Variants in RBFOX1 observed in about 807,000 individuals in gnomAD.
RBFOX1 encodes RNA binding protein fox-1 homolog 1.
In RBFOX1, 8 loss-of-function variants were observed where a neutral mutation model predicts 57.7. The ratio of observed to expected loss-of-function variants is 0.14; its 90% CI spans 0.08 to 0.25. The LOEUF is 0.25. Among genes scored for constraint, RBFOX1 ranks in the 10% least tolerant of loss-of-function variants. The pLI is 1.00. For missense variants in RBFOX1, 611 were observed against 548.5 expected (o/e 1.11, Z -1.14); for synonymous variants, 326 against 222.4 (o/e 1.47, Z -4.15).
intron 4 of RBFOX1, among the ~76,000 whole-genome samples, chr16:7,248,427 T>A (rs534028135): frequency 1.3e-5 from 2 of 152,190 alleles, no homozygotes; most frequent in Non-Finnish European, 1.5e-5. Flanking sequence ...TCCCTTCATA[T>A]CTTTCCAGTC....
chr16:7,382,813 C>G (rs941729364), intron 4 of RBFOX1, among the ~76,000 whole-genome samples: 8 of 152,196 alleles, frequency 5.3e-5, no homozygotes, highest in Admixed American at 3.9e-4. Context: ...GGAATAATGC[C>G]TAAGTACCAC....
intron 4 of RBFOX1, among the ~76,000 whole-genome samples, chr16:7,372,442 AT>A (rs2097584936): frequency 6.6e-6 from 1 of 152,072 alleles, no homozygotes; most frequent in African/African-American, 2.4e-5. Context: ...TCTTTTATTT[AT>A]TTGTGCTGAC....
At chr16:5,707,893 T>G (rs1461123984) in intron 3 of RBFOX1, among the ~76,000 whole-genome samples, 6 of 152,218 alleles carry the variant, frequency 3.9e-5, no homozygotes, top group Non-Finnish European at 2.9e-5. Flanking sequence ...TTTCCAGCTC[T>G]GTACTTAATA....
chr16:5,457,463 T>C (rs1329048269), intron 1 of RBFOX1, among the ~76,000 whole-genome samples: 1 of 152,152 alleles, frequency 6.6e-6, no homozygotes, highest in Non-Finnish European at 1.5e-5. Context: ...AGAGCACTAA[T>C]CCCATTCATT....
intron 1 of RBFOX1, among the ~76,000 whole-genome samples, chr16:6,202,646 G>A (rs367588046): frequency 1.4e-4 from 21 of 152,124 alleles, no homozygotes; most frequent in East Asian, 3.9e-4. Context: ...GATGTTTAAC[G>A]TATACAGCTT....
chr16:6,422,600 C>T (rs1029355236), intron 2 of RBFOX1, among the ~76,000 whole-genome samples: 4 of 152,134 alleles, frequency 2.6e-5, no homozygotes, highest in African/African-American at 4.8e-5. Flanking sequence ...AGGAAGCTTC[C>T]AATCATGGCA....
intron 4 of RBFOX1, among the ~76,000 whole-genome samples, chr16:5,968,362 A>C (rs2059893157): frequency 6.6e-6 from 1 of 152,160 alleles, no homozygotes; most frequent in South Asian, 2.1e-4. Context: ...GGTGTGAGCC[A>C]CTGCCCTGGC....
intron 4 of RBFOX1, among the ~76,000 whole-genome samples, chr16:7,187,137 C>G (rs902980969): frequency 6.6e-6 from 1 of 151,622 alleles, no homozygotes; most frequent in Admixed American, 6.6e-5. Flanking sequence ...CCACTGCACT[C>G]CAGCTTGGGC....
chr16:7,362,209 G>C (rs1212487595), intron 4 of RBFOX1, among the ~76,000 whole-genome samples: 2 of 150,308 alleles, frequency 1.3e-5, no homozygotes, highest in African/African-American at 4.9e-5. Context: ...GATTGTGTTT[G>C]TTTTTTATGT....
At chr16:7,209,685 G>A (rs2090731094) in intron 4 of RBFOX1, among the ~76,000 whole-genome samples, 1 of 152,162 alleles carries the variant, frequency 6.6e-6, no homozygotes, top group African/African-American at 2.4e-5. Flanking sequence ...ATCCGTATTT[G>A]GTTTGCTGGT....
At chr16:6,650,476 G>A (rs943337696) in intron 2 of RBFOX1, among the ~76,000 whole-genome samples, 14 of 152,104 alleles carry the variant, frequency 9.2e-5, no homozygotes, top group Non-Finnish European at 1.5e-5. Flanking sequence ...GATTCAGTAT[G>A]AGTTACCTAA....
At position 5,528,444 on chromosome 16, in the gene RBFOX1, G is replaced by A. The variant is rs191123228; in HGVS notation, c.258+61190G>A. ...CACCGGGGCCACATCTGAGCACAGAGCAGACCACGTTGTTGCCTGTGTGGC... is the reference window on the plus strand; with the variant it reads ...CACCGGGGCCACATCTGAGCACAGAACAGACCACGTTGTTGCCTGTGTGGC... On this transcript the variant is annotated intron_variant, in intron 2 of 2. Coordinates refer to the RBFOX1 transcript ENST00000585867. 3.3e-5 allele frequency among the ~76,000 whole-genome samples: 5 copies of A among 152,266 alleles called. No individual in the cohort carries two copies. In the East Asian group the frequency reaches 9.6e-4, roughly 29 times the overall value.
intron 3 of RBFOX1, among the ~76,000 whole-genome samples, chr16:5,680,185 C>T (rs1055152650): frequency 3.9e-5 from 6 of 152,136 alleles, no homozygotes; most frequent in African/African-American, 1.4e-4. Context: ...GCTGTGCTTG[C>T]AGGGGCATTG....
intron 2 of RBFOX1, among the ~76,000 whole-genome samples, chr16:6,480,167 G>C (rs809094): frequency 0.74 from 112,330 of 152,104 alleles, 41,822 homozygotes; most frequent in African/African-American, 0.82. Flanking sequence ...AGCTCCTTTT[G>C]TTCTTTTAAG....
At chr16:7,676,959 A>G (rs1487146610) in intron 14 of RBFOX1, 121 bp downstream of exon 14, 44 of 963,362 alleles carry the variant, frequency 4.6e-5, no homozygotes, top group Non-Finnish European at 4.9e-6. Flanking sequence ...GCACCCCAAA[A>G]GTTAGGTCCC....
At chr16:5,858,198 A>C (rs1278136233) in intron 3 of RBFOX1, among the ~76,000 whole-genome samples, 6 of 152,176 alleles carry the variant, frequency 3.9e-5, no homozygotes, top group African/African-American at 9.6e-5. Flanking sequence ...AAGGAAACTT[A>C]GATGGTGACA....
At chr16:6,639,612 C>T (rs1433249625) in intron 2 of RBFOX1, among the ~76,000 whole-genome samples, 2 of 152,194 alleles carry the variant, frequency 1.3e-5, no homozygotes, top group African/African-American at 2.4e-5. Context: ...CACGGTGGCT[C>T]ACGCCTGTAA....
rs114239469 is a variant in RBFOX1, at chr16:7,175,421, C to G, written c.27+123323C>G. 9.6e-3 allele frequency among the ~76,000 whole-genome samples: 1,459 copies of G among 152,246 alleles called. 26 individuals are homozygous for G. Among genetic ancestry groups the G allele is most frequent in the African/African-American group, 0.033 (1,379 of 41,528 alleles). ...AAGTCAGCAAAGGCATGGGCAGGGGCCTGAAGTGGGAGAAAGAGCTCCTCC... is the reference window on the plus strand; with the variant it reads ...AAGTCAGCAAAGGCATGGGCAGGGGGCTGAAGTGGGAGAAAGAGCTCCTCC... On this transcript the variant is annotated intron_variant, in intron 4 of 15. Transcript: ENST00000550418.
At chr16:7,693,588 T>G (rs2077889284) in intron 14 of RBFOX1, among the ~76,000 whole-genome samples, 1 of 152,172 alleles carries the variant, frequency 6.6e-6, no homozygotes, top group African/African-American at 2.4e-5. Flanking sequence ...TTTCTGGTTT[T>G]AATAATACAT....
Sources: allele counts gnomAD v4.1 joint callset (sites outside exome capture counted in the v4.1 genomes callset), GRCh38; gene constraint gnomAD v4.1.1; transcripts MANE v1.5; gene names NCBI Gene and HGNC (gene_info 2026-07-23, HGNC 2026-07-21).